The following COPZ2 variants were observed in gnomAD, a reference collection of about 807,000 sequenced individuals.
The protein encoded by COPZ2 is coatomer subunit zeta-2.
COPZ2 carries 30 observed loss-of-function variants against 33.2 expected under a neutral mutation model. The ratio of observed to expected loss-of-function variants is 0.90; its 90% CI spans 0.68 to 1.23. The LOEUF is 1.23. Among genes scored for constraint, COPZ2 ranks in the 50% most tolerant of loss-of-function variants. The pLI is 0.00. For synonymous variants in COPZ2, 89 were observed against 102.6 expected (o/e 0.87, Z 0.80); for missense variants, 263 against 262.4 (o/e 1.00, Z -0.02).
the COPZ2 span, among the ~76,000 whole-genome samples, chr17:48,044,880 T>C: frequency 1.3e-5 from 2 of 152,218 alleles, no homozygotes; most frequent in Non-Finnish European, 2.9e-5. Context: ...ATCTATCTAA[T>C]CTATTCCCCT....
chr17:48,045,163 T>A, the COPZ2 span: 49 of 152,334 alleles, frequency 3.2e-4, no homozygotes, highest in African/African-American at 1.1e-3. Flanking sequence ...TTTCACTATG[T>A]TGGCCAGGCT....
At chr17:48,043,686 T>G in the COPZ2 span, 51 of 316,638 alleles carry the variant, frequency 1.6e-4, no homozygotes, top group Middle Eastern at 1.6e-3. Context: ...TACTCAGCTC[T>G]TCCTCCAGGC....
At position 48,037,237 on chromosome 17, in the gene COPZ2, CG is replaced by C. The variant is rs755778813; in HGVS notation, c.112-313del. 187 of 599,776 alleles carry C rather than the reference CG, an allele frequency of 3.1e-4. No individual in the cohort carries two copies. Among genetic ancestry groups the C allele is most frequent in the East Asian group, 4.7e-4 (13 of 27,522 alleles). 37.2% of individuals were successfully genotyped at this position (599,776 alleles called of 1,614,324 possible). ...TCGGAGTGTATCACAGAACCTGGGC[CG>C]GGGGGGACAGCGGGCCGAGCCTCCT... is the stretch of plus-strand genomic sequence containing the variant. On this transcript the variant is annotated intron_variant, in intron 1 of 8. Transcript: ENST00000621465. The surrounding 1 kb of genome is among the most constrained non-coding windows in gnomAD (Gnocchi z 5.6).
chr17:48,027,122 G>A (rs2036828557), intron 8 of COPZ2, among the ~76,000 whole-genome samples: 1 of 152,230 alleles, frequency 6.6e-6, no homozygotes, highest in Non-Finnish European at 1.5e-5. Context: ...GGAACGCTGT[G>A]TCTCCTCCTC....
At chr17:48,036,255 C>T (rs2036981182) in intron 2 of COPZ2, among the ~76,000 whole-genome samples, 1 of 152,086 alleles carries the variant, frequency 6.6e-6, no homozygotes, top group Admixed American at 6.6e-5. Flanking sequence ...GCCTGTGAAA[C>T]CTGTGAAATG....
At chr17:48,044,788 C>A in the COPZ2 span, among the ~76,000 whole-genome samples, 6 of 152,106 alleles carry the variant, frequency 3.9e-5, no homozygotes, top group Admixed American at 3.9e-4. Context: ...TAATTGATTT[C>A]TTTGCAAAAC....
Position 48,028,585 on chromosome 17 carries a change from GC to G in COPZ2, c.547-76del. The G allele has an allele frequency of 6.9e-7, 1 of 1,443,764 alleles. No homozygotes were observed. The highest frequency in any genetic ancestry group is 9.5e-7 in the Non-Finnish European group (1 of 1,048,122). 89.4% of individuals were successfully genotyped at this position (1,443,764 alleles called of 1,614,324 possible). On this transcript the variant is annotated intron_variant, in intron 7 of 8. Coordinates refer to ENST00000621465, the MANE Select transcript of COPZ2 (RefSeq NM_016429.4). The surrounding 1 kb of genome is among the most constrained non-coding windows in gnomAD (Gnocchi z 4.5). ...TGGGTCAGGGAGGTGAAGGAAAGGG[GC>G]TTGGGGGTATGGGTGAGGTGGTGCA...
rs769935710 is a variant in COPZ2 at position 48,033,907 on chromosome 17, A to G, written c.224T>C (p.Met75Thr). The change falls in exon 3 of 9, where the codon ATG (methionine) becomes ACG (threonine). Residue 75 changes from methionine (M) to threonine (T), a missense_variant. By Grantham distance (81) the Met-to-Thr change is moderately conservative. Transcript: ENST00000621465. Reference protein sequence around the residue: ...DDTFPSMKEQMVFEKNVFNKT... With the variant: ...DDTFPSMKEQTVFEKNVFNKT... Reference sequence around the variant, plus strand: ...GTTGAAGACATTTTTCTCGAAAACCATCTGCTCCTTCATGGAGGGGAATGT... The same window carrying G: ...GTTGAAGACATTTTTCTCGAAAACCGTCTGCTCCTTCATGGAGGGGAATGT... 3 of 1,612,096 alleles carry G rather than the reference A, an allele frequency of 1.9e-6. No individual in the cohort carries two copies. Among genetic ancestry groups the G allele is most frequent in the South Asian group, 2.2e-5 (2 of 90,476 alleles).
chr17:48,032,098 G>A, intron 6 of COPZ2, 58 bp downstream of exon 6: 1 of 1,415,234 alleles, frequency 7.1e-7, no homozygotes, highest in South Asian at 1.2e-5. Context: ...TGCCATCTGG[G>A]GCTGATGATT....
upstream of COPZ2, among the ~76,000 whole-genome samples, chr17:48,041,961 G>C (rs1180752315): frequency 6.6e-6 from 1 of 151,994 alleles, no homozygotes; most frequent in Non-Finnish European, 1.5e-5. Flanking sequence ...GGGGACTTAG[G>C]GGGCTGGCTC....
the COPZ2 span, chr17:48,047,582 T>G: frequency 6.6e-6 from 1 of 152,138 alleles, no homozygotes; most frequent in Non-Finnish European, 1.5e-5. Flanking sequence ...GGGGGGTCCT[T>G]TGGGCTGTTT....
At chr17:48,042,165 C>T (rs1036629702), upstream of COPZ2, among the ~76,000 whole-genome samples, 2 of 152,022 alleles carry the variant, frequency 1.3e-5, no homozygotes, top group African/African-American at 4.8e-5. Context: ...AGGAGTTTCA[C>T]TCTTGTTGCC....
upstream of COPZ2, among the ~76,000 whole-genome samples, chr17:48,038,228 A>G (rs558752300): frequency 2.6e-5 from 4 of 152,280 alleles, no homozygotes; most frequent in Admixed American, 6.5e-5. Context: ...TATAAGCAAG[A>G]GCAAATGAGG....
chr17:48,034,366 A>G (rs1175848514), intron 2 of COPZ2, among the ~76,000 whole-genome samples: 4 of 152,066 alleles, frequency 2.6e-5, no homozygotes, highest in African/African-American at 9.7e-5. Context: ...TTGGCCTCCC[A>G]AAGTGCTGGG....
chr17:48,045,454 T>C, the COPZ2 span: 4 of 151,992 alleles, frequency 2.6e-5, no homozygotes, highest in Non-Finnish European at 5.9e-5. Context: ...GATGTGGCTG[T>C]TGGCGGCAGC....
At chr17:48,040,245 T>C (rs554742749), upstream of COPZ2, among the ~76,000 whole-genome samples, 3 of 151,732 alleles carry the variant, frequency 2.0e-5, no homozygotes, top group African/African-American at 7.3e-5. Context: ...TTATTTATTA[T>C]TATTTTTTTT....
chr17:48,030,906 A>T lies in COPZ2; in HGVS notation c.494+1250T>A, dbSNP rs1040071296. Among the ~76,000 whole-genome samples, 2 of 152,304 alleles carry T rather than the reference A, an allele frequency of 1.3e-5. 1 individual carries two copies. The highest frequency in any genetic ancestry group is 6.8e-3 in the Middle Eastern group (2 of 294). On this transcript the variant is annotated intron_variant, in intron 6 of 8. Coordinates refer to ENST00000621465, the MANE Select transcript of COPZ2 (RefSeq NM_016429.4). The stretch of plus-strand genomic sequence containing the variant: ...AATTGTATATGCTTCTGGCTCCCCA[A>T]AACCTGGCGTTACCCCACTCCCTTT...
chr17:48,040,639 G>T (rs2037052884), upstream of COPZ2, among the ~76,000 whole-genome samples: 1 of 149,904 alleles, frequency 6.7e-6, no homozygotes, highest in African/African-American at 2.5e-5. Flanking sequence ...CACCATGTTG[G>T]CCAGGATGGT....
At chr17:48,029,360 A>G in intron 6 of COPZ2, 184 bp from the exon 7 acceptor site, 2 of 657,916 alleles carry the variant, frequency 3.0e-6, no homozygotes, top group East Asian at 5.5e-5. Flanking sequence ...CTCAGCTCTG[A>G]TTCTTTGATG....
Sources: allele counts gnomAD v4.1 joint callset (sites outside exome capture counted in the v4.1 genomes callset), GRCh38; gene constraint gnomAD v4.1.1; non-coding constraint Gnocchi (gnomAD v3.1); transcripts MANE v1.5; gene names NCBI Gene and HGNC (gene_info 2026-07-23, HGNC 2026-07-21).